The following RPS6KA2 variants were observed in gnomAD, a reference collection of about 807,000 sequenced individuals.
The protein encoded by RPS6KA2 is ribosomal protein S6 kinase A2.
A neutral mutation model predicts 91.8 loss-of-function variants in RPS6KA2; 42 were observed. The ratio of observed to expected loss-of-function variants is 0.46; its 90% CI spans 0.36 to 0.59. The LOEUF is 0.59. Among genes scored for constraint, RPS6KA2 ranks in the 20% least tolerant of loss-of-function variants. The pLI is 0.00. For missense variants in RPS6KA2, 798 were observed against 978.5 expected (o/e 0.82, Z 2.46); for synonymous variants, 414 against 393.6 (o/e 1.05, Z -0.61).
At chr6:166,721,722 G>A (rs1293758191) in intron 2 of RPS6KA2, among the ~76,000 whole-genome samples, 1 of 152,164 alleles carries the variant, frequency 6.6e-6, no homozygotes, top group African/African-American at 2.4e-5. Context: ...CCCAGTGGGC[G>A]GGCGGCAGAG....
intron 3 of RPS6KA2, among the ~76,000 whole-genome samples, chr6:166,524,024 C>T (rs937399288): frequency 5.9e-5 from 9 of 152,162 alleles, no homozygotes; most frequent in African/African-American, 2.2e-4. Flanking sequence ...TGTTGGCAAG[C>T]TCGGACTGTG....
chr6:166,822,266 T>C (rs1262870111), intron 2 of RPS6KA2, among the ~76,000 whole-genome samples: 1 of 152,238 alleles, frequency 6.6e-6, no homozygotes, highest in Non-Finnish European at 1.5e-5. Flanking sequence ...TGCCTGTGTC[T>C]GAAGACAAGG....
rs73257223 is a variant in RPS6KA2 at position 166,557,389 on chromosome 6, G to T, written c.100-18605C>A. Among the ~76,000 whole-genome samples, 7,680 of 152,258 alleles carry T rather than the reference G, an allele frequency of 0.05. 655 individuals are homozygous for T. The highest frequency in any genetic ancestry group is 0.17 in the African/African-American group (7,203 of 41,526). ...ACAGACTCAATGGTCAGGTGGCCGG[G>T]GTCACTCTGAAAATGAACTGTTCTC... On this transcript the variant is annotated intron_variant, in intron 1 of 20. Transcript: ENST00000265678. The surrounding 1 kb of genome is among the most constrained non-coding windows in gnomAD (Gnocchi z 4.8).
intron 8 of RPS6KA2, among the ~76,000 whole-genome samples, chr6:166,492,313 G>A (rs1009879400): frequency 3.3e-5 from 5 of 152,078 alleles, no homozygotes; most frequent in Non-Finnish European, 5.9e-5. Context: ...AAAAGCAAGC[G>A]GAAGGGGGTC....
chr6:166,622,758 C>G (rs1277443947), intron 1 of RPS6KA2, among the ~76,000 whole-genome samples: 1 of 152,214 alleles, frequency 6.6e-6, no homozygotes, highest in Non-Finnish European at 1.5e-5. Context: ...TTCTGATGAT[C>G]TGTGACCACC....
At chr6:166,469,058 G>T (rs1035869208) in intron 11 of RPS6KA2, among the ~76,000 whole-genome samples, 10 of 152,328 alleles carry the variant, frequency 6.6e-5, no homozygotes, top group African/African-American at 2.4e-4. Context: ...AGGAAAGGAG[G>T]TATCGCCTTC....
intron 3 of RPS6KA2, among the ~76,000 whole-genome samples, chr6:166,530,115 A>G (rs116622056): frequency 1.9e-3 from 292 of 152,342 alleles, no homozygotes; most frequent in African/African-American, 6.6e-3. Flanking sequence ...AGAGAATGAT[A>G]TATTTGTACT....
At chr6:166,596,814 G>T (rs887961832) in intron 1 of RPS6KA2, among the ~76,000 whole-genome samples, 1 of 152,176 alleles carries the variant, frequency 6.6e-6, no homozygotes, top group African/African-American at 2.4e-5. Flanking sequence ...ACTCTGTGAG[G>T]AAACACTGGG....
At chr6:166,414,982 T>C (rs1162038942) in intron 19 of RPS6KA2, among the ~76,000 whole-genome samples, 1 of 152,194 alleles carries the variant, frequency 6.6e-6, no homozygotes, top group Non-Finnish European at 1.5e-5. Flanking sequence ...GGAGAATCAC[T>C]TGAGCCCAGG....
intron 2 of RPS6KA2, among the ~76,000 whole-genome samples, chr6:166,538,224 A>C (rs1783542118): frequency 6.6e-6 from 1 of 152,230 alleles, no homozygotes; most frequent in African/African-American, 2.4e-5. Flanking sequence ...AGCCGGCTGC[A>C]GACCCTAGCC....
chr6:166,591,234 C>T (rs114561632), intron 1 of RPS6KA2, among the ~76,000 whole-genome samples: 1,667 of 152,142 alleles, frequency 0.011, 29 homozygotes, highest in African/African-American at 0.036. Context: ...GGGGGCACCT[C>T]GGAAAGATGT....
intron 1 of RPS6KA2, among the ~76,000 whole-genome samples, chr6:166,578,159 A>G (rs558900885): frequency 6.6e-6 from 1 of 152,332 alleles, no homozygotes; most frequent in East Asian, 1.9e-4. Flanking sequence ...CAGGAGCATG[A>G]AAACAGACTA....
At chr6:166,619,645 G>A (rs723316) in intron 1 of RPS6KA2, among the ~76,000 whole-genome samples, 4,862 of 152,260 alleles carry the variant, frequency 0.032, 253 homozygotes, top group African/African-American at 0.11. Flanking sequence ...AGCCTTGCCC[G>A]GCTCCCAGCT....
At chr6:166,854,122 C>T (rs949773204) in intron 2 of RPS6KA2, among the ~76,000 whole-genome samples, 2 of 152,160 alleles carry the variant, frequency 1.3e-5, no homozygotes, top group Admixed American at 6.5e-5. Context: ...CCACCCATCC[C>T]GTGAATTTAT....
At chr6:166,529,539 GTGCAC>G (rs1783189525) in intron 3 of RPS6KA2, among the ~76,000 whole-genome samples, 1 of 152,064 alleles carries the variant, frequency 6.6e-6, no homozygotes. Flanking sequence ...CCTGCACGTT[GTGCAC>G]GTGTACCCTA....
At chr6:166,833,283 C>T (rs1780233419) in intron 2 of RPS6KA2, among the ~76,000 whole-genome samples, 1 of 152,250 alleles carries the variant, frequency 6.6e-6, no homozygotes, top group Non-Finnish European at 1.5e-5. Context: ...AAACTGTCTA[C>T]ATCTACATTA....
intron 2 of RPS6KA2, among the ~76,000 whole-genome samples, chr6:166,718,423 G>T (rs12660310): frequency 0.16 from 24,653 of 152,120 alleles, 2,078 homozygotes; most frequent in Admixed American, 0.19. Context: ...GGCAGAAAAG[G>T]CTTTGGAGAT....
At chr6:166,828,992 T>A (rs1780112964) in intron 2 of RPS6KA2, among the ~76,000 whole-genome samples, 1 of 151,826 alleles carries the variant, frequency 6.6e-6, no homozygotes, top group African/African-American at 2.4e-5. Flanking sequence ...TCAATAACAA[T>A]AAAAAACCAA....
At chr6:166,422,706 GC>G (rs936723002) in intron 17 of RPS6KA2, among the ~76,000 whole-genome samples, 1 of 152,214 alleles carries the variant, frequency 6.6e-6, no homozygotes, top group Non-Finnish European at 1.5e-5. Context: ...TCCGAGCGGG[GC>G]TGGGAGCAGA....
Sources: allele counts gnomAD v4.1 joint callset (sites outside exome capture counted in the v4.1 genomes callset), GRCh38; gene constraint gnomAD v4.1.1; non-coding constraint Gnocchi (gnomAD v3.1); transcripts MANE v1.5; gene names NCBI Gene and HGNC (gene_info 2026-07-23, HGNC 2026-07-21).